DNTT: variants seen among roughly 807,000 people sequenced by gnomAD.
DNTT encodes the protein DNA nucleotidylexotransferase.
A neutral mutation model predicts 60.9 loss-of-function variants in DNTT; 47 were observed. The observed-to-expected ratio is 0.77, with a 90% confidence interval of 0.61 to 0.98. The LOEUF (loss-of-function observed/expected upper bound fraction) is 0.98, where lower values mean the gene tolerates loss of function less well. Among genes scored for constraint, DNTT ranks in the 50% least tolerant of loss-of-function variants. The pLI is 0.00. For missense variants in DNTT, 665 were observed against 627.5 expected, an observed-to-expected ratio of 1.06 and a Z score of -0.64; for synonymous variants, 224 against 221.2, an observed-to-expected ratio of 1.01 and a Z score of -0.11.
At chr10:96,326,096 T>C (rs1230740660) in intron 6 of DNTT, among the ~76,000 whole-genome samples, 4 of 151,968 alleles carry the variant, frequency 2.6e-5, no homozygotes, top group African/African-American at 9.7e-5. Context: ...TCATTCCTGA[T>C]AGCTGCACAT....
chr10:96,329,292 AG>A (rs1323226995), intron 8 of DNTT, among the ~76,000 whole-genome samples: 1 of 152,244 alleles, frequency 6.6e-6, no homozygotes, highest in East Asian at 1.9e-4. Flanking sequence ...GAAACTAATG[AG>A]GGCAAGCTGA....
Position 96,332,217 on chromosome 10 carries a change from T to A in DNTT, c.1114-134T>A, listed in dbSNP as rs12219972. On this transcript the variant is annotated intron_variant, in intron 8 of 10. Transcript: ENST00000371174. ...AGTGTTTTCTCCTAGTGTTTGCAGG[T>A]GGGCCTTTAATGCAAGGCCAAACAC... The A allele has an allele frequency of 2.7e-5, 33 of 1,244,836 alleles. No homozygotes were observed. In the East Asian group the frequency reaches 6.9e-4, roughly 26 times the overall value. 77.1% of individuals were successfully genotyped at this position (1,244,836 alleles called of 1,614,324 possible). A position where few individuals can be genotyped will look rare whatever the true frequency, so the allele number is the denominator to read the frequency against.
chr10:96,307,743 A>ATGTG (rs542854533), intron 1 of DNTT, among the ~76,000 whole-genome samples: 1 of 134,214 alleles, frequency 7.5e-6, no homozygotes, highest in African/African-American at 2.8e-5. Flanking sequence ...AAGCATATAT[A>ATGTG]TGTGTGTGTG....
rs1845019234 is a variant in DNTT, at chr10:96,332,521, G to T, written c.1284G>T (p.Lys428Asn). 2 of 1,614,076 alleles carry T rather than the reference G, an allele frequency of 1.2e-6. No homozygotes were observed. Among genetic ancestry groups the T allele is most frequent in the Admixed American group, 1.7e-5 (1 of 60,010 alleles). ...QSSWQEGKTW[K>N]AIRVDLVLCP... ...GCTGGCAGGAAGGAAAGACCTGGAA[G>T]GCCATCCGTGTGGATTTAGTTCTGT... The change falls in exon 9 of 11, where the codon AAG becomes AAT. Residue 428 changes from lysine (K) to asparagine (N), a missense_variant. Physicochemically the swap from Lys to Asn is moderately conservative, Grantham distance 94. Transcript: ENST00000371174.
At chr10:96,313,724 G>GT (rs1407328350) in intron 1 of DNTT, among the ~76,000 whole-genome samples, 2 of 152,212 alleles carry the variant, frequency 1.3e-5, no homozygotes, top group Non-Finnish European at 2.9e-5. Flanking sequence ...TTATATGCCA[G>GT]TATTTATTGT....
At chr10:96,320,968 C>G (rs1432150370) in intron 4 of DNTT, among the ~76,000 whole-genome samples, 180 bp downstream of exon 4, 4 of 132,906 alleles carry the variant, frequency 3.0e-5, no homozygotes, top group African/African-American at 5.5e-5. Context: ...CTCTCTCTCT[C>G]TGTTTATTTT....
At chr10:96,335,195 T>C (rs1278552340) in intron 9 of DNTT, among the ~76,000 whole-genome samples, 2 of 152,226 alleles carry the variant, frequency 1.3e-5, no homozygotes, top group Non-Finnish European at 2.9e-5. Context: ...GACAATTCGT[T>C]GCCCTCCTTT....
At chr10:96,335,714 A>C (rs1405507433) in intron 9 of DNTT, among the ~76,000 whole-genome samples, 177 bp from the exon 10 acceptor site, 2 of 152,230 alleles carry the variant, frequency 1.3e-5, no homozygotes, top group African/African-American at 2.4e-5. Context: ...CAGAGCTTAC[A>C]TTCTAGTGTG....
At chr10:96,305,846 T>C (rs1376677036) in intron 1 of DNTT, among the ~76,000 whole-genome samples, 1 of 152,188 alleles carries the variant, frequency 6.6e-6, no homozygotes. Context: ...AATGCCCCAT[T>C]CAGAAATTCC....
intron 1 of DNTT, among the ~76,000 whole-genome samples, chr10:96,315,149 A>G (rs1273359682): frequency 6.6e-6 from 1 of 152,204 alleles, no homozygotes; most frequent in Non-Finnish European, 1.5e-5. Flanking sequence ...AGTCTGGGCC[A>G]CAACAGAGAT....
rs747466867 is a variant in DNTT at position 96,335,957 on chromosome 10, T to C, written c.1426T>C (p.Leu476=). ...GAAGATGATTCTGGATAACCATGCT[T>C]TATATGACAAGACCAAGGTACAGTT... ...ERKMILDNHA[L]YDKTKRIFLK... Residue 476 remains leucine (L), a synonymous_variant, in exon 10 of 11, where the codon TTA becomes CTA. Coordinates refer to ENST00000371174, the MANE Select transcript of DNTT (RefSeq NM_004088.4). 6.2e-7 allele frequency: 1 copy of C among 1,614,162 alleles called. No individual in the cohort carries two copies. Among genetic ancestry groups the C allele is most frequent in the Non-Finnish European group, 8.5e-7 (1 of 1,180,008 alleles).
intron 6 of DNTT, 130 bp downstream of exon 6, chr10:96,324,519 A>G: frequency 7.1e-7 from 1 of 1,400,534 alleles, no homozygotes; most frequent in East Asian, 2.3e-5. Flanking sequence ...TGATGCTTGG[A>G]TCTAAATCCT....
rs775130739 is a variant in DNTT at position 96,327,496 on chromosome 10, C to T, written c.903C>T (p.Ser301=). ...TTCTGTATTATGAAGACCTTGTCAGCTGTGTGACCAGGGCAGAAGCAGAGG... is the reference window on the plus strand; with the variant it reads ...TTCTGTATTATGAAGACCTTGTCAGTTGTGTGACCAGGGCAGAAGCAGAGG... ...AGFLYYEDLV[S]CVTRAEAEAV... Residue 301 remains serine, a synonymous_variant, in exon 7 of 11, where the codon AGC becomes AGT. Transcript: ENST00000371174. 3.1e-6 allele frequency: 5 copies of T among 1,614,116 alleles called. No homozygotes were observed. Among genetic ancestry groups the T allele is most frequent in the Non-Finnish European group, 1.7e-6 (2 of 1,179,980 alleles).
intron 2 of DNTT, among the ~76,000 whole-genome samples, chr10:96,318,867 C>G (rs1458113303): frequency 6.6e-6 from 1 of 152,138 alleles, no homozygotes; most frequent in African/African-American, 2.4e-5. Context: ...TTCTAGCAGC[C>G]AGAAAAGCAG....
At chr10:96,317,223 G>A (rs1450847358) in intron 1 of DNTT, among the ~76,000 whole-genome samples, 1 of 152,110 alleles carries the variant, frequency 6.6e-6, no homozygotes, top group Non-Finnish European at 1.5e-5. Flanking sequence ...AGAAAGATGA[G>A]TATCATTTAC....
At chr10:96,334,981 T>C (rs1400388956) in intron 9 of DNTT, among the ~76,000 whole-genome samples, 1 of 152,236 alleles carries the variant, frequency 6.6e-6, no homozygotes, top group Non-Finnish European at 1.5e-5. Flanking sequence ...TAAGCTCTTT[T>C]GCTTTTTAGC....
rs758136536 is a variant in DNTT, at chr10:96,319,342, T to G, written c.459T>G (p.Tyr153Ter). The change falls in exon 3 of 11, where the codon TAT becomes TAG. Residue 153 changes from tyrosine (Y) to a stop codon, truncating the protein, a stop_gained. Transcript: ENST00000371174. LOFTEE classifies it high-confidence loss of function. ...TTGCTGTACAAAAGATCTCCCAGTA[T>G]GCGTGTCAGAGAAGAACCACTTTAA... Reference protein sequence around the residue: ...PPIAVQKISQYACQRRTTLNN... With the variant: ...PPIAVQKISQ 6.8e-6 allele frequency: 11 copies of G among 1,613,742 alleles called. No homozygotes were observed. Among genetic ancestry groups the G allele is most frequent in the Non-Finnish European group, 9.3e-6 (11 of 1,179,786 alleles).
chr10:96,307,361 T>G (rs1451703114), intron 1 of DNTT, among the ~76,000 whole-genome samples: 54 of 136,032 alleles, frequency 4.0e-4, no homozygotes, highest in African/African-American at 1.4e-3. Flanking sequence ...TTTTTTTTTT[T>G]TTTTTTTTTT....
At chr10:96,333,250 A>T (rs1406894672) in intron 9 of DNTT, among the ~76,000 whole-genome samples, 1 of 152,232 alleles carries the variant, frequency 6.6e-6, no homozygotes, top group Non-Finnish European at 1.5e-5. Flanking sequence ...AGAAATGCAA[A>T]TTAAAACCAC....
Sources: gnomAD v4.1 joint callset for allele counts (sites outside exome capture counted in the v4.1 genomes callset) on GRCh38, gnomAD v4.1.1 for gene constraint, MANE v1.5 for transcripts, NCBI Gene and HGNC (gene_info 2026-07-23, HGNC 2026-07-21) for gene names.